Variants in SPATC1L observed in about 807,000 individuals in gnomAD.
The protein encoded by SPATC1L is speriolin-like protein.
SPATC1L carries 20 observed loss-of-function variants against 21.2 expected under a neutral mutation model. That is an observed-to-expected ratio of 0.94 (90% CI 0.66 to 1.37). The LOEUF is 1.37. SPATC1L is among the 40% of genes most tolerant of loss of function. The probability of loss-of-function intolerance (pLI) is 0.00; values close to 1 mark genes in which losing one functional copy is unlikely to be tolerated. For synonymous variants in SPATC1L, 290 were observed against 234.5 expected (o/e 1.24, Z -2.16); for missense variants, 499 against 478.7 (o/e 1.04, Z -0.40).
chr21:46,167,320 G>C (rs1438693380), intron 3 of SPATC1L, among the ~76,000 whole-genome samples: 1 of 152,116 alleles, frequency 6.6e-6, no homozygotes, highest in African/African-American at 2.4e-5. Context: ...AGAGTTTATA[G>C]TTATGAGTGC....
intron 3 of SPATC1L, among the ~76,000 whole-genome samples, chr21:46,166,487 G>A (rs1055266721): frequency 1.3e-5 from 2 of 148,954 alleles, no homozygotes; most frequent in African/African-American, 2.6e-5. Context: ...CGGAGTGGCT[G>A]AATGGATAAA....
In SPATC1L at chr21:46,161,431, T is replaced by C. The variant is rs761070479; in HGVS notation, c.971A>G (p.Asn324Ser). ...CTCCTTGGAGAGCTCGCACAGGCAG[T>C]TGAGCAGCAGCAGCGAGTCGCCCAG... ...KFLGDSLLLLNCLCELSKEDG... is the reference protein window; with the variant it reads ...KFLGDSLLLLSCLCELSKEDG... Residue 324 changes from asparagine to serine, a missense_variant, in exon 5 of 5, where the codon AAC becomes AGC. Physicochemically the swap from Asn to Ser is conservative, Grantham distance 46. Coordinates refer to ENST00000291672, the MANE Select transcript of SPATC1L (RefSeq NM_001142854.2). 5.1e-6 allele frequency: 8 copies of C among 1,574,044 alleles called. No individual in the cohort carries two copies. In the South Asian group the frequency reaches 5.8e-5, roughly 11 times the overall value.
At chr21:46,180,940 A>G (rs562340919) in intron 2 of SPATC1L, among the ~76,000 whole-genome samples, 1 of 152,294 alleles carries the variant, frequency 6.6e-6, no homozygotes, top group African/African-American at 2.4e-5. Context: ...AGCCGTGGTC[A>G]TGGAGACCCC....
At chr21:46,182,311 G>A (rs1282020920) in intron 2 of SPATC1L, among the ~76,000 whole-genome samples, 1 of 152,220 alleles carries the variant, frequency 6.6e-6, no homozygotes, top group Non-Finnish European at 1.5e-5. Flanking sequence ...GCTGCCTGGG[G>A]CCCTGGAGGC....
rs753523269 is a variant in SPATC1L, at chr21:46,161,974, G to A, written c.638C>T (p.Pro213Leu). 20 of 1,607,558 alleles carry A rather than the reference G, an allele frequency of 1.2e-5. No homozygotes were observed. In the East Asian group the frequency reaches 1.6e-4, roughly 13 times the overall value. ...GAAGCCGTAGAGCCGCGTCACGCCC[G>A]GGAACACGTAGGCCAGGATGCGGCG... is the stretch of plus-strand genomic sequence containing the variant. Reference protein sequence around the residue: ...LDRRILAYVFPGVTRLYGFTV... With the variant: ...LDRRILAYVFLGVTRLYGFTV... The change falls in exon 4 of 5, where the codon CCG (proline) becomes CTG (leucine). Residue 213 changes from proline (P) to leucine (L), a missense_variant. By Grantham distance (98) the Pro-to-Leu change is moderately conservative. Coordinates refer to ENST00000291672, the MANE Select transcript of SPATC1L (RefSeq NM_001142854.2).
rs2079484371 is a variant in SPATC1L, at chr21:46,161,320, G to A, written c.*59C>T. The A allele has an allele frequency of 7.0e-6, 10 of 1,421,480 alleles. No individual in the cohort carries two copies. Among genetic ancestry groups the A allele is most frequent in the South Asian group, 3.0e-5 (2 of 67,560 alleles). The allele number at this position is 1,421,480 out of a possible 1,614,324, so 88.1% of individuals were successfully genotyped here. On this transcript the variant is annotated 3_prime_UTR_variant, in exon 5 of 5. Coordinates refer to ENST00000291672, the MANE Select transcript of SPATC1L (RefSeq NM_001142854.2). Reference sequence around the variant, plus strand: ...TCCGGGGGGACGCGCAGGAGGCACCGCGGCCCCGGGTTGGAACAAACGCGT... The same window carrying A: ...TCCGGGGGGACGCGCAGGAGGCACCACGGCCCCGGGTTGGAACAAACGCGT...
At chr21:46,166,845 G>T (rs9980665) in intron 3 of SPATC1L, among the ~76,000 whole-genome samples, 16,071 of 152,124 alleles carry the variant, frequency 0.11, 1,492 homozygotes, top group African/African-American at 0.25. Flanking sequence ...ACTTCAATAC[G>T]CATTTTCACC....
chr21:46,161,777 G>A (rs1208244464), intron 4 of SPATC1L, 72 bp from the exon 5 acceptor site: 8 of 1,486,932 alleles, frequency 5.4e-6, no homozygotes, highest in Admixed American at 2.1e-5. Flanking sequence ...GCCCAGGGCC[G>A]ATCCCTGCCC....
intron 2 of SPATC1L, among the ~76,000 whole-genome samples, chr21:46,172,632 C>T (rs1252876081): frequency 6.6e-6 from 1 of 152,170 alleles, no homozygotes; most frequent in Non-Finnish European, 1.5e-5. Flanking sequence ...AAAGTCAAGG[C>T]CAAGGCCCGA....
At position 46,161,374 on chromosome 21, in the gene SPATC1L, G is replaced by A. The variant is rs373560114; in HGVS notation, c.*5C>T. ...CTGCAGGCAAGGCGGCGGGCGCGGG[G>A]CGGCTCACCAGGCGAAGAGGGGCTT... On this transcript the variant is annotated 3_prime_UTR_variant, in exon 5 of 5. Coordinates refer to ENST00000291672, the MANE Select transcript of SPATC1L (RefSeq NM_001142854.2). 2.2e-5 allele frequency: 33 copies of A among 1,508,066 alleles called. No homozygotes were observed. The East Asian group carries it at 4.6e-4, about 21-fold the overall frequency. The allele number at this position is 1,508,066 out of a possible 1,614,324, so 93.4% of individuals were successfully genotyped here. A position where few individuals can be genotyped will look rare whatever the true frequency, so the allele number is the denominator to read the frequency against.
chr21:46,167,457 A>T (rs2079549600), intron 3 of SPATC1L, among the ~76,000 whole-genome samples: 1 of 152,256 alleles, frequency 6.6e-6, no homozygotes, highest in South Asian at 2.1e-4. Flanking sequence ...AATAAATGAA[A>T]TTTAAATGAA....
chr21:46,182,578 G>C (rs1402769114), intron 2 of SPATC1L, 46 bp downstream of exon 2: 11 of 1,419,178 alleles, frequency 7.8e-6, no homozygotes, highest in Non-Finnish European at 1.0e-5. Flanking sequence ...CAGGCGTCCC[G>C]CGACCCCCTC....
In SPATC1L at chr21:46,182,858, C is replaced by T. The variant is rs780872707; in HGVS notation, c.-42G>A. 1 of 1,466,970 alleles carries T rather than the reference C, an allele frequency of 6.8e-7. No individual in the cohort carries two copies. Among genetic ancestry groups the T allele is most frequent in the Non-Finnish European group, 9.0e-7 (1 of 1,105,402 alleles). 90.9% of individuals were successfully genotyped at this position (1,466,970 alleles called of 1,614,324 possible). The stretch of plus-strand genomic sequence containing the variant: ...CTTGTCCCTCACGGCTCCTGCAGCC[C>T]CATGGAGGTGGGAGCCCAGAGCCCG... On this transcript the variant is annotated 5_prime_UTR_variant, in exon 2 of 5. Transcript: ENST00000291672.
chr21:46,161,921 C>G lies in SPATC1L; in HGVS notation c.691G>C (p.Glu231Gln). 1.9e-6 allele frequency: 3 copies of G among 1,606,048 alleles called. No homozygotes were observed. Among genetic ancestry groups the G allele is most frequent in the Non-Finnish European group, 2.5e-6 (3 of 1,179,094 alleles). ...FTVANIPEKIEQTSTKSLDGS... is the reference protein window; with the variant it reads ...FTVANIPEKIQQTSTKSLDGS... ...GCCCTCCCCACGGGGCGCACCTGCTCGATCTTCTCGGGGATGTTGGCCACC... is the reference window on the plus strand; with the variant it reads ...GCCCTCCCCACGGGGCGCACCTGCTGGATCTTCTCGGGGATGTTGGCCACC... Residue 231 changes from glutamate (E) to glutamine (Q), a missense_variant, in exon 4 of 5, where the codon GAG becomes CAG. Coordinates refer to ENST00000291672, the MANE Select transcript of SPATC1L (RefSeq NM_001142854.2).
rs370493468 is a variant in SPATC1L at position 46,161,865 on chromosome 21, C to T, written c.696+51G>A. 9.2e-4 allele frequency: 1,457 copies of T among 1,584,374 alleles called. 7 individuals carry two copies. Among genetic ancestry groups the T allele is most frequent in the Non-Finnish European group, 1.2e-3 (1,348 of 1,171,514 alleles). On this transcript the variant is annotated intron_variant, in intron 4 of 4. Transcript: ENST00000291672. ...CCAAGATCTGGGGGCCGCACAGGGA[C>T]GGACCGAGCGCCCCGCACCCTCCTG... is the stretch of plus-strand genomic sequence containing the variant.
At chr21:46,168,725 A>T in intron 2 of SPATC1L, 67 bp from the exon 3 acceptor site, 13 of 1,168,754 alleles carry the variant, frequency 1.1e-5, no homozygotes, top group Non-Finnish European at 1.5e-5. Flanking sequence ...GGAAGTATAA[A>T]GAACATGTTA....
chr21:46,162,188 C>T (rs3747003), intron 3 of SPATC1L, 121 bp from the exon 4 acceptor site: 337,109 of 1,121,132 alleles, frequency 0.3, 53,911 homozygotes, highest in Admixed American at 0.49. Context: ...GCCGCCACCC[C>T]CCACTGTCTG....
At chr21:46,179,952 G>A (rs76955910) in intron 2 of SPATC1L, among the ~76,000 whole-genome samples, 3,473 of 152,346 alleles carry the variant, frequency 0.023, 130 homozygotes, top group African/African-American at 0.08. Flanking sequence ...ACGTGGGAAC[G>A]ATGCCGGCGC....
chr21:46,161,341 C>T lies in SPATC1L; in HGVS notation c.*38G>A, dbSNP rs750745856. 5 of 1,474,390 alleles carry T rather than the reference C, an allele frequency of 3.4e-6. No individual in the cohort carries two copies. Among genetic ancestry groups the T allele is most frequent in the Non-Finnish European group, 4.5e-6 (5 of 1,117,708 alleles). 91.3% of individuals were successfully genotyped at this position (1,474,390 alleles called of 1,614,324 possible). A position where few individuals can be genotyped will look rare whatever the true frequency, so the allele number is the denominator to read the frequency against. ...CACCGCGGCCCCGGGTTGGAACAAA[C>T]GCGTTTACTGCAGGCAAGGCGGCGG... On this transcript the variant is annotated 3_prime_UTR_variant, in exon 5 of 5. Coordinates refer to ENST00000291672, the MANE Select transcript of SPATC1L (RefSeq NM_001142854.2).
Sources: gnomAD v4.1 joint callset for allele counts (sites outside exome capture counted in the v4.1 genomes callset) on GRCh38, gnomAD v4.1.1 for gene constraint, MANE v1.5 for transcripts, NCBI Gene and HGNC (gene_info 2026-07-23, HGNC 2026-07-21) for gene names.